The following NTMT1 variants were observed in gnomAD, a reference collection of about 807,000 sequenced individuals.
The protein encoded by NTMT1 is N-terminal RCC1 methyltransferase.
In NTMT1, 8 loss-of-function variants were observed where a neutral mutation model predicts 17.5. The ratio of observed to expected loss-of-function variants is 0.46; its 90% CI spans 0.27 to 0.82. The LOEUF (loss-of-function observed/expected upper bound fraction) is 0.82, where lower values mean the gene tolerates loss of function less well. NTMT1 is among the 40% of genes least tolerant of loss of function. The pLI is 0.15. For synonymous variants in NTMT1, 128 were observed against 126.8 expected (o/e 1.01, Z -0.06); for missense variants, 221 against 303.5 (o/e 0.73, Z 2.02).
At chr9:129,616,674 A>G (rs909936664) in intron 1 of NTMT1, among the ~76,000 whole-genome samples, 3 of 152,196 alleles carry the variant, frequency 2.0e-5, no homozygotes, top group Non-Finnish European at 2.9e-5. Flanking sequence ...GTGAGTATCA[A>G]ATGATTTACA....
chr9:129,627,858 T>G (rs1263722558), intron 1 of NTMT1, among the ~76,000 whole-genome samples: 1 of 152,062 alleles, frequency 6.6e-6, no homozygotes, highest in East Asian at 1.9e-4. Context: ...GAGACTTACG[T>G]GAGGAGGATG....
In NTMT1 at chr9:129,635,490, G is replaced by T; in HGVS notation, c.*26G>T. 6.3e-7 allele frequency: 1 copy of T among 1,596,362 alleles called. No individual in the cohort carries two copies. Among genetic ancestry groups the T allele is most frequent in the South Asian group, 1.1e-5 (1 of 89,650 alleles). Reference sequence around the variant, plus strand: ...GCCGGGGCTGGCAGGAGAAACTGAGGAACCACAGTCCTGGTGGGGGGAGCT... The same window carrying T: ...GCCGGGGCTGGCAGGAGAAACTGAGTAACCACAGTCCTGGTGGGGGGAGCT... On this transcript the variant is annotated 3_prime_UTR_variant, in exon 4 of 4. Transcript: ENST00000372483.
chr9:129,612,451 A>T (rs1414943517), intron 1 of NTMT1: 10 of 1,610,764 alleles, frequency 6.2e-6, no homozygotes, highest in Non-Finnish European at 8.5e-6. Flanking sequence ...GGCAGGAGGG[A>T]CTCCTAGAGT....
Position 129,620,169 on chromosome 9 carries a change from G to A in NTMT1, c.-55+10991G>A. On this transcript the variant is annotated intron_variant, in intron 1 of 3. Transcript: ENST00000372486. The surrounding 1 kb of genome is among the most constrained non-coding windows in gnomAD (Gnocchi z 5.8). ...CCTAGGAAGGCGCCCAAGAAGTCGGGGTCCTCCCTGGCCACGCGCCTCCGG... is the reference window on the plus strand; with the variant it reads ...CCTAGGAAGGCGCCCAAGAAGTCGGAGTCCTCCCTGGCCACGCGCCTCCGG... 6.8e-7 allele frequency: 1 copy of A among 1,460,944 alleles called. No individual in the cohort carries two copies. The highest frequency in any genetic ancestry group is 9.1e-7 in the Non-Finnish European group (1 of 1,102,464). 90.5% of individuals were successfully genotyped at this position (1,460,944 alleles called of 1,614,324 possible).
chr9:129,615,638 G>A (rs1438593785), intron 1 of NTMT1: 64 of 1,565,088 alleles, frequency 4.1e-5, no homozygotes, highest in Non-Finnish European at 5.0e-5. Flanking sequence ...CCTGTGCACC[G>A]TGGGGCCTGC....
intron 1 of NTMT1, among the ~76,000 whole-genome samples, chr9:129,611,373 G>C (rs1183194134): frequency 6.6e-6 from 1 of 152,228 alleles, no homozygotes. Flanking sequence ...GGCAAACCTG[G>C]TGGGCAGGGT....
In NTMT1 at chr9:129,635,903, G is replaced by C. The variant is rs1831524873; in HGVS notation, c.*439G>C. The C allele has an allele frequency of 5.4e-6, 1 of 185,070 alleles. No individual in the cohort carries two copies. The highest frequency in any genetic ancestry group is 1.1e-5 in the Non-Finnish European group (1 of 88,338). 11.5% of individuals were successfully genotyped at this position (185,070 alleles called of 1,614,324 possible). ...GATCTTTACCTAGGGGAGGGACAGA[G>C]CTGGGCTGGTGGAGCCCATGGGTGC... is the stretch of plus-strand genomic sequence containing the variant. On this transcript the variant is annotated 3_prime_UTR_variant, in exon 4 of 4. Transcript: ENST00000372483.
Position 129,620,572 on chromosome 9 carries a change from C to A in NTMT1, c.-55+11394C>A. 2.2e-6 allele frequency: 3 copies of A among 1,364,874 alleles called. No individual in the cohort carries two copies. The highest frequency in any genetic ancestry group is 1.5e-5 in the African/African-American group (1 of 66,800). The allele number at this position is 1,364,874 out of a possible 1,614,324, so 84.5% of individuals were successfully genotyped here. ...CCCCTGGGCGAAGTCGACGCCAGAA[C>A]ATGCTTGGCCCCGCACTCAGCTCAC... On this transcript the variant is annotated intron_variant, in intron 1 of 3. Coordinates refer to the NTMT1 transcript ENST00000372486. This position sits in a 1 kb window ranked among gnomAD's most constrained non-coding sequence, Gnocchi z 5.8.
intron 1 of NTMT1, among the ~76,000 whole-genome samples, chr9:129,630,633 G>T (rs1831112101): frequency 6.6e-6 from 1 of 152,106 alleles, no homozygotes; most frequent in Non-Finnish European, 1.5e-5. Flanking sequence ...TCCATATGTG[G>T]ACTCTTCCGT....
At chr9:129,623,823 C>CTTTTTTTTTTTTTTTTTTTTT (rs746654555), upstream of NTMT1, among the ~76,000 whole-genome samples, 2 of 107,832 alleles carry the variant, frequency 1.9e-5, 1 homozygote. Context: ...TTTTTCTTTT[C>CTTTTTTTTTTTTTTTTTTTTT]TTTTCTTTTT....
rs1830622539 is a variant in NTMT1 at position 129,620,301 on chromosome 9, G to A, written c.-55+11123G>A. The A allele has an allele frequency of 3.2e-6, 4 of 1,250,196 alleles. No individual in the cohort carries two copies. The highest frequency in any genetic ancestry group is 3.0e-6 in the Non-Finnish European group (3 of 994,826). 77.4% of individuals were successfully genotyped at this position (1,250,196 alleles called of 1,614,324 possible). On this transcript the variant is annotated intron_variant, in intron 1 of 3. Transcript: ENST00000372486. This position sits in a 1 kb window ranked among gnomAD's most constrained non-coding sequence, Gnocchi z 5.8. ...AGGGACCGCAGCAGCCCCCGCTTCC[G>A]CACGGCCCGCCGGGTCGCGGTGAGC...
At chr9:129,610,394 G>A (rs1252891665) in intron 1 of NTMT1, among the ~76,000 whole-genome samples, 2 of 151,322 alleles carry the variant, frequency 1.3e-5, no homozygotes, top group South Asian at 2.1e-4. Context: ...GGCTCCACGC[G>A]GACTCCGGCT....
At chr9:129,619,948 C>T (rs1449773825) in intron 1 of NTMT1, 1 of 1,493,866 alleles carries the variant, frequency 6.7e-7, no homozygotes, top group Admixed American at 1.9e-5. Flanking sequence ...CTCTGAGATA[C>T]TCAGCTAACA....
At chr9:129,627,441 CAG>C (rs535223520) in intron 1 of NTMT1, among the ~76,000 whole-genome samples, 84 of 152,334 alleles carry the variant, frequency 5.5e-4, no homozygotes, top group African/African-American at 1.9e-3. Flanking sequence ...TCTCATTTGA[CAG>C]AGATTTCTAA....
At chr9:129,615,793 T>C in intron 1 of NTMT1, 3 of 923,726 alleles carry the variant, frequency 3.2e-6, no homozygotes, top group South Asian at 4.9e-5. Context: ...GCAGCCGGCC[T>C]TAACGGAGCA....
At chr9:129,633,076 C>A in intron 2 of NTMT1, 1 of 545,030 alleles carries the variant, frequency 1.8e-6, no homozygotes, top group Non-Finnish European at 3.2e-6. Flanking sequence ...CAGACAGGAG[C>A]TGGCTGTTAG....
chr9:129,613,041 T>G lies in NTMT1; in HGVS notation c.-55+3863T>G. The stretch of plus-strand genomic sequence containing the variant: ...CAGCCACTCCACCAAACAGGGCTGC[T>G]CCCGGAGCCAGCTGCCAGCAGGGGC... On this transcript the variant is annotated intron_variant, in intron 1 of 3. Transcript: ENST00000372486. This position sits in a 1 kb window ranked among gnomAD's most constrained non-coding sequence, Gnocchi z 6.2. The G allele has an allele frequency of 6.3e-7, 1 of 1,597,848 alleles. No homozygotes were observed. The highest frequency in any genetic ancestry group is 8.5e-7 in the Non-Finnish European group (1 of 1,173,982).
intron 1 of NTMT1, among the ~76,000 whole-genome samples, chr9:129,627,130 GT>G (rs1334931224): frequency 1.3e-5 from 2 of 152,326 alleles, no homozygotes; most frequent in African/African-American, 2.4e-5. Flanking sequence ...TAGTGTGCTG[GT>G]TTTTCTCTAT....
rs1831391163 is a variant in NTMT1 at position 129,634,428 on chromosome 9, C to A, written c.415+122C>A. ...AAGTGGGCCAGTGAGGATTCCCCAC[C>A]CCGCCCAGGCCCACCCCCACCCCGT... On this transcript the variant is annotated intron_variant, in intron 3 of 3. Transcript: ENST00000372483. 2.0e-5 allele frequency: 22 copies of A among 1,106,898 alleles called. No homozygotes were observed. In the South Asian group the frequency reaches 3.8e-4, roughly 19 times the overall value. 68.6% of individuals were successfully genotyped at this position (1,106,898 alleles called of 1,614,324 possible).
Sources: allele counts gnomAD v4.1 joint callset (sites outside exome capture counted in the v4.1 genomes callset), GRCh38; gene constraint gnomAD v4.1.1; non-coding constraint Gnocchi (gnomAD v3.1); transcripts MANE v1.5; gene names NCBI Gene and HGNC (gene_info 2026-07-23, HGNC 2026-07-21).